TRPV4: variants seen among roughly 807,000 people sequenced by gnomAD.
TRPV4 encodes the protein OSM9-like transient receptor potential channel 4.
A neutral mutation model predicts 84.1 loss-of-function variants in TRPV4; 58 were observed. The ratio of observed to expected loss-of-function variants is 0.69; its 90% CI spans 0.56 to 0.86. The LOEUF is 0.86. TRPV4 is among the 40% of genes least tolerant of loss of function. TRPV4 has a pLI of 0.00. For synonymous variants in TRPV4, 489 were observed against 500.9 expected (o/e 0.98, Z 0.32); for missense variants, 879 against 1,181.1 (o/e 0.74, Z 3.75).
At chr12:109,799,193 C>T (rs1029670962) in intron 5 of TRPV4, among the ~76,000 whole-genome samples, 1 of 151,172 alleles carries the variant, frequency 6.6e-6, no homozygotes, top group Admixed American at 6.6e-5. Context: ...CACTCTGTCG[C>T]CTAGGCTGGA....
chr12:109,783,534 G>T lies in TRPV4; in HGVS notation c.*87C>A. ...CCCTCGCCTCTGGGGCCAAAGCAGGGTGTGGGGGGACACCCCAGAAGGCAC... is the reference window on the plus strand; with the variant it reads ...CCCTCGCCTCTGGGGCCAAAGCAGGTTGTGGGGGGACACCCCAGAAGGCAC... On this transcript the variant is annotated 3_prime_UTR_variant, in exon 16 of 16. Coordinates refer to ENST00000261740, the MANE Select transcript of TRPV4 (RefSeq NM_021625.5). The surrounding 1 kb of genome is among the most constrained non-coding windows in gnomAD (Gnocchi z 4.6). 1.3e-6 allele frequency: 2 copies of T among 1,530,166 alleles called. No homozygotes were observed. Among genetic ancestry groups the T allele is most frequent in the Non-Finnish European group, 8.9e-7 (1 of 1,129,222 alleles). 94.8% of individuals were successfully genotyped at this position (1,530,166 alleles called of 1,614,324 possible).
At chr12:109,813,592 A>G (rs1400066986) in intron 2 of TRPV4, among the ~76,000 whole-genome samples, 1 of 151,394 alleles carries the variant, frequency 6.6e-6, no homozygotes, top group Non-Finnish European at 1.5e-5. Context: ...GAGTGGGTGG[A>G]TGGATGAATG....
intron 1 of TRPV4, among the ~76,000 whole-genome samples, chr12:109,833,103 C>T (rs893466612): frequency 3.3e-5 from 5 of 152,180 alleles, no homozygotes; most frequent in Admixed American, 2.0e-4. Flanking sequence ...GACCTGCTAC[C>T]CCAGGCCCCA....
chr12:109,801,658 TG>T (rs1890792737), intron 4 of TRPV4, among the ~76,000 whole-genome samples: 1 of 152,078 alleles, frequency 6.6e-6, no homozygotes, highest in Non-Finnish European at 1.5e-5. Context: ...AGTGAGACCC[TG>T]TCTCTACAGA....
chr12:109,814,882 A>T lies in TRPV4; in HGVS notation c.-31-55T>A. ...GAACCCGGCCAGGGGCGGGGGCTCC[A>T]GGAAGCCCCCTCCCACGTGGACAAG... On this transcript the variant is annotated intron_variant, in intron 1 of 15. Coordinates refer to ENST00000261740, the MANE Select transcript of TRPV4 (RefSeq NM_021625.5). This position sits in a 1 kb window ranked among gnomAD's most constrained non-coding sequence, Gnocchi z 5.4. The T allele has an allele frequency of 6.7e-7, 1 of 1,487,744 alleles. No individual in the cohort carries two copies. Among genetic ancestry groups the T allele is most frequent in the Non-Finnish European group, 9.0e-7 (1 of 1,108,480 alleles). 92.2% of individuals were successfully genotyped at this position (1,487,744 alleles called of 1,614,324 possible).
At position 109,792,804 on chromosome 12, in the gene TRPV4, CA is replaced by C; in HGVS notation, c.1671del (p.Val558SerfsTer3). On this transcript the variant is annotated frameshift_variant, in exon 11 of 16. Transcript: ENST00000261740. LOFTEE classifies it high-confidence loss of function. ...AGGGCTGCTGAGACGATCACCAGGA[CA>C]GAGTAGATGAAGCTGCAGTGCAGCA... ...GSFQLLYFIY[S>X]VLVIVSAALY... 1 of 1,613,848 alleles carries C rather than the reference CA, an allele frequency of 6.2e-7. No individual in the cohort carries two copies. The highest frequency in any genetic ancestry group is 1.1e-5 in the South Asian group (1 of 91,082).
intron 12 of TRPV4, 132 bp from the exon 13 acceptor site, chr12:109,788,848 A>G: frequency 9.9e-7 from 1 of 1,012,740 alleles, no homozygotes; most frequent in Non-Finnish European, 1.5e-6. Flanking sequence ...ACGCTGACCC[A>G]TGTCACCCTA....
chr12:109,820,516 A>ATTTTTTTTTTTTTT (rs1166251387), intron 1 of TRPV4, among the ~76,000 whole-genome samples: 27 of 92,400 alleles, frequency 2.9e-4, no homozygotes, highest in African/African-American at 1.3e-3. Flanking sequence ...CAGCTGCCCT[A>ATTTTTTTTTTTTTT]TTTTTTTTTT....
chr12:109,806,135 C>T (rs997244710), intron 3 of TRPV4, among the ~76,000 whole-genome samples: 58 of 152,338 alleles, frequency 3.8e-4, no homozygotes, highest in African/African-American at 1.3e-3. Flanking sequence ...TGCCTCCAAA[C>T]GAGGCCACGT....
chr12:109,823,245 T>C (rs1055745594), intron 1 of TRPV4, among the ~76,000 whole-genome samples: 1 of 152,306 alleles, frequency 6.6e-6, no homozygotes. Flanking sequence ...TGCTGCACAG[T>C]GGCCGCCTGT....
At chr12:109,797,745 G>T (rs577041249) in intron 6 of TRPV4, among the ~76,000 whole-genome samples, 55 of 152,002 alleles carry the variant, frequency 3.6e-4, no homozygotes, top group African/African-American at 1.3e-3. Context: ...AATAATCCAG[G>T]CTGGACTTAA....
chr12:109,794,213 C>T, intron 8 of TRPV4, 116 bp downstream of exon 8: 1 of 1,420,128 alleles, frequency 7.0e-7, no homozygotes. Context: ...CCAACCTGTT[C>T]CTAAACCTTC....
Position 109,793,559 on chromosome 12 carries a change from A to G in TRPV4, c.1626T>C (p.Ser542=), listed in dbSNP as rs745522429. 25 of 1,614,024 alleles carry G rather than the reference A, an allele frequency of 1.5e-5. No individual in the cohort carries two copies. The highest frequency in any genetic ancestry group is 2.1e-5 in the Non-Finnish European group (25 of 1,180,026). Residue 542 remains serine, a synonymous_variant, in exon 10 of 16, where the codon TCT becomes TCC. Transcript: ENST00000261740. This position sits in a 1 kb window ranked among gnomAD's most constrained non-coding sequence, Gnocchi z 4.0. ...LFMKKCPGVN[S]LFIDGSFQLL... ...GCTGGAAGGAGCCATCAATGAAGAG[A>G]GAATTCACTCCAGGGCATTTCTTCA...
rs1199082161 is a variant in TRPV4 at position 109,798,567 on chromosome 12, A to T, written c.1152+47T>A. 1.9e-6 allele frequency: 3 copies of T among 1,601,508 alleles called. No individual in the cohort carries two copies. The highest frequency in any genetic ancestry group is 2.5e-6 in the Non-Finnish European group (3 of 1,177,818). ...AGCAGACCCTCGTGTGTGTGTGCAG[A>T]GGGGTACGAGTAGGTGGATCAGCTG... is the stretch of plus-strand genomic sequence containing the variant. On this transcript the variant is annotated intron_variant, in intron 6 of 15. Coordinates refer to ENST00000261740, the MANE Select transcript of TRPV4 (RefSeq NM_021625.5). This position sits in a 1 kb window ranked among gnomAD's most constrained non-coding sequence, Gnocchi z 5.0.
At chr12:109,788,283 G>A (rs1280668205) in intron 13 of TRPV4, 117 bp downstream of exon 13, 1 of 982,858 alleles carries the variant, frequency 1.0e-6, no homozygotes, top group African/African-American at 1.6e-5. Context: ...AGAAGTGGAG[G>A]GAGAATGAGA....
chr12:109,792,564 C>T, intron 11 of TRPV4, 88 bp downstream of exon 11: 1 of 1,590,176 alleles, frequency 6.3e-7, no homozygotes, highest in Non-Finnish European at 8.6e-7. Flanking sequence ...CCAGCATCCT[C>T]AGGTCTGCAG....
intron 5 of TRPV4, among the ~76,000 whole-genome samples, chr12:109,799,245 C>T (rs1237414278): frequency 6.6e-6 from 1 of 151,920 alleles, no homozygotes; most frequent in Non-Finnish European, 1.5e-5. Flanking sequence ...CTCCACCTCC[C>T]GGGTGCAAGC....
At chr12:109,800,861 G>T in intron 4 of TRPV4, 103 bp from the exon 5 acceptor site, 2 of 1,009,278 alleles carry the variant, frequency 2.0e-6, no homozygotes, top group Admixed American at 1.9e-5. Flanking sequence ...TGGGGGGTGG[G>T]GGATGCAGGC....
At chr12:109,831,135 C>A (rs1051204769) in intron 1 of TRPV4, among the ~76,000 whole-genome samples, 31 of 151,800 alleles carry the variant, frequency 2.0e-4, no homozygotes, top group Admixed American at 1.1e-3. Flanking sequence ...TTTCCAGTCA[C>A]GTCACAAACT....
Sources: allele counts gnomAD v4.1 joint callset (sites outside exome capture counted in the v4.1 genomes callset), GRCh38; gene constraint gnomAD v4.1.1; non-coding constraint Gnocchi (gnomAD v3.1); transcripts MANE v1.5; gene names NCBI Gene and HGNC (gene_info 2026-07-23, HGNC 2026-07-21).